WDR27: variants seen among roughly 807,000 people sequenced by gnomAD.
WDR27 encodes WD repeat-containing protein 27.
A neutral mutation model predicts 114.4 loss-of-function variants in WDR27; 100 were observed. The ratio of observed to expected loss-of-function variants is 0.87; its 90% CI spans 0.74 to 1.03. The LOEUF is 1.03. Ranked by LOEUF, WDR27 falls within the 50% of genes least tolerant of loss-of-function variation. The pLI is 0.00. For missense variants in WDR27, 1,129 were observed against 1,092.9 expected (o/e 1.03, Z -0.47); for synonymous variants, 449 against 423.1 (o/e 1.06, Z -0.75).
intron 25 of WDR27, among the ~76,000 whole-genome samples, chr6:169,535,724 G>A (rs965885735): frequency 6.6e-6 from 1 of 152,164 alleles, no homozygotes; most frequent in Non-Finnish European, 1.5e-5. Context: ...CTTTCATAAA[G>A]TATGTGGACC....
chr6:169,681,220 A>G (rs1164339003), intron 2 of WDR27, among the ~76,000 whole-genome samples: 1 of 152,270 alleles, frequency 6.6e-6, no homozygotes, highest in African/African-American at 2.4e-5. Flanking sequence ...GAACTACTGA[A>G]TGCAGGAACA....
intron 14 of WDR27, among the ~76,000 whole-genome samples, chr6:169,650,616 T>C (rs1822141872): frequency 7.4e-6 from 1 of 135,746 alleles, no homozygotes; most frequent in South Asian, 2.7e-4. Flanking sequence ...CCTCCATCCA[T>C]GCTCCCACTC....
At chr6:169,527,649 T>C (rs1795105564) in intron 25 of WDR27, among the ~76,000 whole-genome samples, 1 of 152,150 alleles carries the variant, frequency 6.6e-6, no homozygotes, top group South Asian at 2.1e-4. Context: ...AATAAAAATA[T>C]CTAATAGAAA....
Position 169,500,443 on chromosome 6 carries a change from T to C in WDR27, c.2646-42809A>G, listed in dbSNP as rs200224035. ...GAAAATCCAGGAGCTATCTGTTTTC[T>C]CTTATCAAGGAGAGTCACCCATCTT... is the stretch of plus-strand genomic sequence containing the variant. On this transcript the variant is annotated intron_variant, in intron 25 of 25. Transcript: ENST00000448612. Among the ~76,000 whole-genome samples the C allele has an allele frequency of 1.6e-4, 24 of 152,262 alleles. No homozygotes were observed. In the East Asian group the frequency reaches 4.7e-3, roughly 30 times the overall value.
intron 25 of WDR27, among the ~76,000 whole-genome samples, chr6:169,518,269 G>C (rs1214406146): frequency 6.6e-6 from 1 of 152,242 alleles, no homozygotes; most frequent in African/African-American, 2.4e-5. Flanking sequence ...CTCTGTGTGG[G>C]TCTAGCAACC....
chr6:169,447,611 C>T, the WDR27 span, among the ~76,000 whole-genome samples: 1 of 152,326 alleles, frequency 6.6e-6, no homozygotes, highest in Admixed American at 6.5e-5. Flanking sequence ...ATTTTCAGAA[C>T]AAACTCTCAA....
At chr6:169,467,111 C>T (rs905568383) in intron 25 of WDR27, among the ~76,000 whole-genome samples, 39 of 152,346 alleles carry the variant, frequency 2.6e-4, no homozygotes, top group Middle Eastern at 3.4e-3. Flanking sequence ...CCATGTCTCA[C>T]ATCCCAGTCA....
At chr6:169,601,810 C>T (rs957309088) in intron 23 of WDR27, among the ~76,000 whole-genome samples, 12 of 152,272 alleles carry the variant, frequency 7.9e-5, no homozygotes, top group African/African-American at 2.9e-4. Context: ...GGGGGCAGTT[C>T]CATTAATATA....
intron 25 of WDR27, among the ~76,000 whole-genome samples, chr6:169,462,196 T>C (rs1784989024): frequency 6.6e-6 from 1 of 151,068 alleles, no homozygotes; most frequent in South Asian, 2.1e-4. Context: ...ACACCTGTAA[T>C]CTCAGCACTT....
intron 4 of WDR27, chr6:169,670,132 C>T (rs1778305790): frequency 6.4e-6 from 1 of 157,400 alleles, no homozygotes; most frequent in Non-Finnish European, 1.4e-5. Context: ...GTTCTAGTCA[C>T]ACACGAGGTC....
chr6:169,490,222 A>G (rs1169851870), intron 25 of WDR27, among the ~76,000 whole-genome samples: 1 of 152,220 alleles, frequency 6.6e-6, no homozygotes, highest in Non-Finnish European at 1.5e-5. Flanking sequence ...TTACTAGAAT[A>G]GGTTTAACCT....
At chr6:169,569,475 T>C (rs2294503) in intron 25 of WDR27, among the ~76,000 whole-genome samples, 14,173 of 152,238 alleles carry the variant, frequency 0.093, 1,752 homozygotes, top group East Asian at 0.58. Flanking sequence ...CTATATAAGA[T>C]TTTCTTGAAT....
intron 4 of WDR27, among the ~76,000 whole-genome samples, chr6:169,668,396 C>T (rs754993000): frequency 2.6e-5 from 4 of 152,278 alleles, no homozygotes; most frequent in South Asian, 2.1e-4. Context: ...CCACCGGCTG[C>T]CCCATGCATC....
At chr6:169,672,092 T>TTGCATGCC in intron 3 of WDR27, 163 bp downstream of exon 3, 1 of 634,620 alleles carries the variant, frequency 1.6e-6, no homozygotes, top group South Asian at 2.8e-5. Context: ...AAGCGCCTGC[T>TTGCATGCC]TGCATGCCTG....
chr6:169,602,189 T>C (rs1584503180), intron 23 of WDR27, 30 bp downstream of exon 23: 1 of 1,490,098 alleles, frequency 6.7e-7, no homozygotes, highest in African/African-American at 1.4e-5. Flanking sequence ...CTAGACTCTC[T>C]ACATTTATAG....
chr6:169,637,174 C>T (rs1157296834), intron 18 of WDR27, among the ~76,000 whole-genome samples: 1 of 152,142 alleles, frequency 6.6e-6, no homozygotes, highest in Non-Finnish European at 1.5e-5. Flanking sequence ...TATCTATCAT[C>T]TTCCTGTCTC....
chr6:169,697,963 C>T lies in WDR27; in HGVS notation c.-8+3588G>A, dbSNP rs548627119. Among the ~76,000 whole-genome samples, 6 of 152,284 alleles carry T rather than the reference C, an allele frequency of 3.9e-5. No individual in the cohort carries two copies. In the South Asian group the frequency reaches 8.3e-4, roughly 21 times the overall value. Reference sequence around the variant, plus strand: ...CACGGGGAGAGACCCACTGACCCTGCGGGCTGGTCCCTACAGGCAGAATAT... The same window carrying T: ...CACGGGGAGAGACCCACTGACCCTGTGGGCTGGTCCCTACAGGCAGAATAT... On this transcript the variant is annotated intron_variant, in intron 1 of 25. Transcript: ENST00000448612.
intron 25 of WDR27, among the ~76,000 whole-genome samples, chr6:169,556,794 A>G (rs1458343586): frequency 6.6e-6 from 1 of 152,246 alleles, no homozygotes; most frequent in Non-Finnish European, 1.5e-5. Context: ...AAATGGGCAT[A>G]TAAGTATATG....
At chr6:169,630,670 C>T (rs544209621) in intron 21 of WDR27, among the ~76,000 whole-genome samples, 61 of 152,114 alleles carry the variant, frequency 4.0e-4, no homozygotes, top group South Asian at 1.5e-3. Flanking sequence ...CCGAGGCGGG[C>T]GGATCACAAG....
Sources: allele counts gnomAD v4.1 joint callset (sites outside exome capture counted in the v4.1 genomes callset), GRCh38; gene constraint gnomAD v4.1.1; transcripts MANE v1.5; gene names NCBI Gene and HGNC (gene_info 2026-07-23, HGNC 2026-07-21).